Variants in ANKRD24 observed in about 807,000 individuals in gnomAD.
ANKRD24 encodes the protein ankyrin repeat domain-containing protein 24.
In ANKRD24, 109 loss-of-function variants were observed where a neutral mutation model predicts 127.8. The ratio of observed to expected loss-of-function variants is 0.85; its 90% CI spans 0.73 to 1.00. The LOEUF is 1.00. ANKRD24 is among the 50% of genes least tolerant of loss of function. The pLI, the probability that ANKRD24 is intolerant of heterozygous loss-of-function variation, is 0.00. For missense variants in ANKRD24, 1,648 were observed against 1,570.2 expected (o/e 1.05, Z -0.84); for synonymous variants, 743 against 671.1 (o/e 1.11, Z -1.66).
chr19:4,218,103 G>A lies in ANKRD24; in HGVS notation c.2943G>A (p.Leu981=), dbSNP rs967192778. 3 of 1,546,334 alleles carry A rather than the reference G, an allele frequency of 1.9e-6. No homozygotes were observed. The highest frequency in any genetic ancestry group is 2.6e-6 in the Non-Finnish European group (3 of 1,148,230). ...VGTLQANVAQ[L]EGQLEELGRR... ...CCCTGCAGGCCAACGTGGCCCAGCTGGAGGGGCAGCTGGAGGAGCTGGGAC... is the reference window on the plus strand; with the variant it reads ...CCCTGCAGGCCAACGTGGCCCAGCTAGAGGGGCAGCTGGAGGAGCTGGGAC... The change falls in exon 18 of 22, where the codon CTG becomes CTA. Residue 981 remains leucine (L), a synonymous_variant. Coordinates refer to ENST00000318934, the MANE Select transcript of ANKRD24 (RefSeq NM_001393985.1).
At chr19:4,194,135 T>A (rs1170638607) in intron 2 of ANKRD24, among the ~76,000 whole-genome samples, 2 of 152,118 alleles carry the variant, frequency 1.3e-5, no homozygotes, top group African/African-American at 4.8e-5. Flanking sequence ...GAAAAAACTT[T>A]ATTTATGGAC....
intron 2 of ANKRD24, among the ~76,000 whole-genome samples, chr19:4,196,067 G>A (rs1410465801): frequency 2.6e-5 from 4 of 152,144 alleles, no homozygotes; most frequent in Admixed American, 1.3e-4. Flanking sequence ...AGTGGGTGGA[G>A]GCCAGGGATG....
rs1201611471 is a variant in ANKRD24, at chr19:4,217,596, G to T, written c.2436G>T (p.Ser812=). The stretch of plus-strand genomic sequence containing the variant: ...GCCTGCGGGAGCTGGAGGCGGCCTC[G>T]GCCTGCCTGGATGAGGCTCGGGCCA... The part of the protein sequence containing the change: ...DSRLRELEAA[S]ACLDEARASR... Residue 812 remains serine, a synonymous_variant, in exon 18 of 22, where the codon TCG becomes TCT. Coordinates refer to ENST00000318934, the MANE Select transcript of ANKRD24 (RefSeq NM_001393985.1). The T allele has an allele frequency of 3.0e-5, 39 of 1,304,102 alleles. No individual in the cohort carries two copies. Among genetic ancestry groups the T allele is most frequent in the Non-Finnish European group, 3.8e-5 (39 of 1,030,894 alleles). 80.8% of individuals were successfully genotyped at this position (1,304,102 alleles called of 1,614,324 possible). A position where few individuals can be genotyped will look rare whatever the true frequency, so the allele number is the denominator to read the frequency against.
Position 4,209,433 on chromosome 19 carries a change from G to T in ANKRD24, c.871-625G>T, listed in dbSNP as rs1445441955. 8.1e-4 allele frequency among the ~76,000 whole-genome samples: 117 copies of T among 144,884 alleles called. 1 individual carries two copies. Among genetic ancestry groups the T allele is most frequent in the East Asian group, 6.2e-4 (3 of 4,804 alleles). On this transcript the variant is annotated intron_variant, in intron 11 of 21. Coordinates refer to ENST00000318934, the MANE Select transcript of ANKRD24 (RefSeq NM_001393985.1). Reference sequence around the variant, plus strand: ...CCTCTCCTAGTTTTTTTTTTTTGTTGTTGTTGTTGTTTGTTTGTTTTGTTT... The same window carrying T: ...CCTCTCCTAGTTTTTTTTTTTTGTTTTTGTTGTTGTTTGTTTGTTTTGTTT...
At chr19:4,220,017 C>T (rs1970359289) in intron 19 of ANKRD24, among the ~76,000 whole-genome samples, 1 of 152,206 alleles carries the variant, frequency 6.6e-6, no homozygotes, top group Non-Finnish European at 1.5e-5. Context: ...CTCGCTCTGT[C>T]GCCCAGGCTG....
intron 2 of ANKRD24, among the ~76,000 whole-genome samples, chr19:4,196,519 C>T (rs1023537727): frequency 1.3e-5 from 2 of 152,200 alleles, no homozygotes; most frequent in East Asian, 3.9e-4. Context: ...AGATTACAGG[C>T]GCCCGCTACC....
At chr19:4,193,251 G>A (rs1599400608) in intron 2 of ANKRD24, among the ~76,000 whole-genome samples, 3 of 127,994 alleles carry the variant, frequency 2.3e-5, no homozygotes, top group East Asian at 4.9e-4. Context: ...GCAGTGAGCC[G>A]AGATCCCTCC....
At chr19:4,207,426 G>C (rs774126496) in intron 8 of ANKRD24, 75 bp from the exon 9 acceptor site, 37 of 1,572,248 alleles carry the variant, frequency 2.4e-5, no homozygotes, top group Non-Finnish European at 3.1e-5. Flanking sequence ...TGAAACTCAA[G>C]GGCAGTTATA....
chr19:4,191,702 G>A (rs1028189230), intron 2 of ANKRD24, among the ~76,000 whole-genome samples: 39 of 151,594 alleles, frequency 2.6e-4, no homozygotes, highest in Middle Eastern at 6.8e-3. Flanking sequence ...GGTTGGTCTC[G>A]AACTCCTGAC....
intron 13 of ANKRD24, 23 bp from the exon 14 acceptor site, chr19:4,212,452 C>A: frequency 6.4e-7 from 1 of 1,574,498 alleles, no homozygotes. Context: ...GATCCAAACC[C>A]CTGTCCCTGT....
chr19:4,207,922 C>A lies in ANKRD24; in HGVS notation c.786C>A (p.Ile262=), dbSNP rs1969488766. Residue 262 remains isoleucine (I), a synonymous_variant, in exon 10 of 22, where the codon ATC becomes ATA. Coordinates refer to ENST00000318934, the MANE Select transcript of ANKRD24 (RefSeq NM_001393985.1). The part of the protein sequence containing the change: ...HYGALAGDKL[I]LHLLQEAAQR... ...GCGCCCTGGCGGGGGACAAACTCATCCTGCACCTTCTGCAAGAGGCGGCCC... is the reference window on the plus strand; with the variant it reads ...GCGCCCTGGCGGGGGACAAACTCATACTGCACCTTCTGCAAGAGGCGGCCC... The A allele has an allele frequency of 6.5e-7, 1 of 1,548,912 alleles. No homozygotes were observed. The highest frequency in any genetic ancestry group is 8.7e-7 in the Non-Finnish European group (1 of 1,149,500).
At chr19:4,184,468 G>A (rs1373596409) in intron 1 of ANKRD24, among the ~76,000 whole-genome samples, 2 of 152,214 alleles carry the variant, frequency 1.3e-5, no homozygotes, top group African/African-American at 2.4e-5. Context: ...GTTCACCCAC[G>A]CACTTCCCAC....
intron 2 of ANKRD24, among the ~76,000 whole-genome samples, chr19:4,194,365 C>G (rs1235840731): frequency 6.6e-6 from 1 of 152,158 alleles, no homozygotes; most frequent in Admixed American, 6.6e-5. Flanking sequence ...GTTGGCCAGG[C>G]TGGTCTTGAA....
intron 1 of ANKRD24, 189 bp from the exon 2 acceptor site, chr19:4,186,201 A>T: frequency 7.4e-7 from 1 of 1,342,396 alleles, no homozygotes; most frequent in Non-Finnish European, 9.7e-7. Context: ...GGGAAGTAAA[A>T]CAGAGAGGGC....
At chr19:4,200,899 TAA>T (rs1419330568) in intron 5 of ANKRD24, among the ~76,000 whole-genome samples, 1 of 152,098 alleles carries the variant, frequency 6.6e-6, no homozygotes, top group East Asian at 1.9e-4. Context: ...TTGGACGAAC[TAA>T]GCTTTGAGGT....
At chr19:4,208,011 C>A in intron 10 of ANKRD24, 43 bp downstream of exon 10, 1 of 1,424,070 alleles carries the variant, frequency 7.0e-7, no homozygotes, top group Non-Finnish European at 9.2e-7. Context: ...TTCTTGGCAG[C>A]TTCTTGTCAC....
chr19:4,224,114 C>T lies in ANKRD24; in HGVS notation c.3298-13C>T. On this transcript the variant is annotated splice_polypyrimidine_tract_variant and intron_variant, in intron 20 of 21. Coordinates refer to ENST00000318934, the MANE Select transcript of ANKRD24 (RefSeq NM_001393985.1). Reference sequence around the variant, plus strand: ...CTCCTGCTCTTCTGAGCGCCCCTTCCTCATGCCCACAGGAAGCTGCCAGGG... The same window carrying T: ...CTCCTGCTCTTCTGAGCGCCCCTTCTTCATGCCCACAGGAAGCTGCCAGGG... 6.2e-7 allele frequency: 1 copy of T among 1,611,424 alleles called. No homozygotes were observed. The highest frequency in any genetic ancestry group is 8.5e-7 in the Non-Finnish European group (1 of 1,179,268).
chr19:4,195,231 C>T lies in ANKRD24; in HGVS notation c.37-4452C>T, dbSNP rs1268380908. 6.6e-6 allele frequency among the ~76,000 whole-genome samples: 1 copy of T among 152,168 alleles called. No individual in the cohort carries two copies. The highest frequency in any genetic ancestry group is 1.9e-4 in the East Asian group (1 of 5,146). On this transcript the variant is annotated intron_variant, in intron 2 of 21. Transcript: ENST00000318934. This position sits in a 1 kb window ranked among gnomAD's most constrained non-coding sequence, Gnocchi z 4.2. ...GGGACTACAGGCGCCCACCACCACG[C>T]CCGGCTAATTTTTTGTATTTTTAGT...
chr19:4,183,735 G>C (rs1011402581), intron 1 of ANKRD24, among the ~76,000 whole-genome samples: 1 of 152,044 alleles, frequency 6.6e-6, no homozygotes. Flanking sequence ...CCAACATGGA[G>C]AAACCCCGTC....
Sources: gnomAD v4.1 joint callset for allele counts (sites outside exome capture counted in the v4.1 genomes callset) on GRCh38, gnomAD v4.1.1 for gene constraint, Gnocchi (gnomAD v3.1) non-coding constraint, MANE v1.5 for transcripts, NCBI Gene and HGNC (gene_info 2026-07-23, HGNC 2026-07-21) for gene names.